Variants in ADGRL2 observed in about 807,000 individuals in gnomAD.
ADGRL2 encodes adhesion G protein-coupled receptor L2, also known as calcium-independent alpha-latrotoxin receptor 2.
ADGRL2 carries 44 observed loss-of-function variants against 157.4 expected under a neutral mutation model. The ratio of observed to expected loss-of-function variants is 0.28; its 90% CI spans 0.22 to 0.36. ADGRL2 has a LOEUF of 0.36. Among genes scored for constraint, ADGRL2 ranks in the 10% least tolerant of loss-of-function variants. ADGRL2 has a pLI of 1.00. For missense variants in ADGRL2, 1,510 were observed against 1,768.9 expected (o/e 0.85, Z 2.63); for synonymous variants, 585 against 624.7 (o/e 0.94, Z 0.95).
intron 3 of ADGRL2, among the ~76,000 whole-genome samples, chr1:81,588,919 C>G (rs975350477): frequency 7.9e-5 from 12 of 152,052 alleles, no homozygotes; most frequent in Non-Finnish European, 1.3e-4. Flanking sequence ...TTCCTAGATC[C>G]CCTAGGTGGA....
At chr1:81,678,947 A>G (rs1020066034) in intron 3 of ADGRL2, among the ~76,000 whole-genome samples, 4 of 152,164 alleles carry the variant, frequency 2.6e-5, no homozygotes, top group African/African-American at 9.7e-5. Flanking sequence ...AAATATCAGA[A>G]CCGGTGTTTC....
chr1:81,345,387 A>AT (rs1662406313), intron 1 of ADGRL2, among the ~76,000 whole-genome samples: 1 of 152,226 alleles, frequency 6.6e-6, no homozygotes, highest in South Asian at 2.1e-4. Flanking sequence ...CCACTGATAC[A>AT]TACGCATTTT....
intron 2 of ADGRL2, among the ~76,000 whole-genome samples, chr1:81,897,241 C>T (rs1023352757): frequency 7.2e-5 from 11 of 151,784 alleles, no homozygotes; most frequent in African/African-American, 1.7e-4. Context: ...ATAGTTTAAA[C>T]AGAGGCACTG....
intron 1 of ADGRL2, among the ~76,000 whole-genome samples, chr1:81,352,832 G>A (rs1179387174): frequency 6.6e-6 from 1 of 152,114 alleles, no homozygotes; most frequent in African/African-American, 2.4e-5. Context: ...GAGTGTTTAA[G>A]TTTGAGTAGT....
intron 1 of ADGRL2, among the ~76,000 whole-genome samples, chr1:81,747,431 G>T (rs961836964): frequency 6.6e-6 from 1 of 151,534 alleles, no homozygotes; most frequent in African/African-American, 2.4e-5. Context: ...CTCCCAAGTA[G>T]CTGGGATTAC....
chr1:81,984,778 G>T (rs1231321899), intron 20 of ADGRL2, 67 bp downstream of exon 20: 1 of 1,492,424 alleles, frequency 6.7e-7, no homozygotes, highest in African/African-American at 1.4e-5. Flanking sequence ...GACATGTTCT[G>T]TTCAGATGCA....
At chr1:81,979,120 T>C (rs931983141) in intron 17 of ADGRL2, among the ~76,000 whole-genome samples, 2 of 151,772 alleles carry the variant, frequency 1.3e-5, no homozygotes, top group African/African-American at 4.8e-5. Flanking sequence ...CTGAGCAAGC[T>C]CATGTTGACC....
intron 1 of ADGRL2, among the ~76,000 whole-genome samples, chr1:81,346,287 A>G (rs1035734065): frequency 1.3e-5 from 2 of 152,226 alleles, no homozygotes; most frequent in African/African-American, 4.8e-5. Context: ...TGCAATTGCT[A>G]TAATCCTTTG....
At chr1:81,798,716 C>A (rs1255304653), upstream of ADGRL2, among the ~76,000 whole-genome samples, 2 of 152,056 alleles carry the variant, frequency 1.3e-5, no homozygotes, top group Non-Finnish European at 2.9e-5. Context: ...ATATATCATG[C>A]AGATAGATAA....
chr1:81,538,518 G>T lies in ADGRL2; in HGVS notation c.-247-42358G>T, dbSNP rs895861933. Among the ~76,000 whole-genome samples, 8 of 152,110 alleles carry T rather than the reference G, an allele frequency of 5.3e-5. No individual in the cohort carries two copies. The South Asian group carries it at 8.3e-4, about 16-fold the overall frequency. On this transcript the variant is annotated intron_variant, in intron 2 of 24. Transcript: ENST00000370721. ...CATGTAATTTCTGAAATTATTCATGGTAGTTGTTCAGGCACAACCACACTA... is the reference window on the plus strand; with the variant it reads ...CATGTAATTTCTGAAATTATTCATGTTAGTTGTTCAGGCACAACCACACTA...
chr1:81,379,718 G>C (rs984769302), intron 1 of ADGRL2, among the ~76,000 whole-genome samples: 6 of 152,144 alleles, frequency 3.9e-5, no homozygotes, highest in Non-Finnish European at 8.8e-5. Flanking sequence ...TCCTCTCCAT[G>C]TTCTCTACAA....
intron 1 of ADGRL2, chr1:81,426,380 G>T (rs879930870): frequency 2.3e-5 from 7 of 300,354 alleles, no homozygotes; most frequent in Non-Finnish European, 4.5e-5. Context: ...TGCTTCTATG[G>T]TTTTCTCAAT....
At chr1:81,894,016 T>G (rs889649954) in intron 2 of ADGRL2, among the ~76,000 whole-genome samples, 3 of 152,190 alleles carry the variant, frequency 2.0e-5, no homozygotes, top group Non-Finnish European at 4.4e-5. Context: ...TGGGAATTGG[T>G]TTCTGTCCAA....
At chr1:81,822,290 T>G (rs978261389) in intron 1 of ADGRL2, among the ~76,000 whole-genome samples, 1 of 151,882 alleles carries the variant, frequency 6.6e-6, no homozygotes, top group African/African-American at 2.4e-5. Context: ...ATGGAAACAA[T>G]GTTTTCTCAA....
At chr1:81,904,980 A>G (rs1318036779) in intron 2 of ADGRL2, among the ~76,000 whole-genome samples, 1 of 152,150 alleles carries the variant, frequency 6.6e-6, no homozygotes, top group Non-Finnish European at 1.5e-5. Context: ...GTTTGATGGG[A>G]ACAAGCCATA....
chr1:81,861,057 C>T (rs12146061), intron 2 of ADGRL2, among the ~76,000 whole-genome samples: 11,463 of 143,796 alleles, frequency 0.08, 525 homozygotes, highest in South Asian at 0.16. Context: ...GCTCTTGTCG[C>T]CCAGGCTGGA....
intron 2 of ADGRL2, among the ~76,000 whole-genome samples, chr1:81,763,921 G>A (rs560618926): frequency 9.9e-5 from 15 of 152,042 alleles, no homozygotes; most frequent in Admixed American, 8.5e-4. Flanking sequence ...CAGGGGGATC[G>A]CTTGAACCCA....
chr1:81,476,486 C>A (rs1255798529), intron 2 of ADGRL2, among the ~76,000 whole-genome samples: 1 of 152,194 alleles, frequency 6.6e-6, no homozygotes, highest in African/African-American at 2.4e-5. Context: ...CTTCTCCTTT[C>A]CAAAGTGAAC....
chr1:81,446,157 G>A (rs1352355961), intron 2 of ADGRL2, among the ~76,000 whole-genome samples: 1 of 152,092 alleles, frequency 6.6e-6, no homozygotes, highest in African/African-American at 2.4e-5. Context: ...ATTGCCCTTT[G>A]AATGAGTTCC....
Sources: allele counts gnomAD v4.1 joint callset (sites outside exome capture counted in the v4.1 genomes callset), GRCh38; gene constraint gnomAD v4.1.1; transcripts MANE v1.5; gene names NCBI Gene and HGNC (gene_info 2026-07-23, HGNC 2026-07-21).